Variants in FOXP4 observed in about 807,000 individuals in gnomAD.
The protein encoded by FOXP4 is forkhead box protein P4.
Under a neutral mutation model 82.6 loss-of-function variants are expected in FOXP4, and 25 were observed. The observed-to-expected ratio is 0.30, with a 90% CI of 0.22 to 0.42. The LOEUF is 0.42. FOXP4 is among the 10% of genes least tolerant of loss of function. The pLI, the probability that FOXP4 is intolerant of heterozygous loss-of-function variation, is 1.00. For synonymous variants in FOXP4, 415 were observed against 388.2 expected (o/e 1.07, Z -0.81); for missense variants, 785 against 900.9 (o/e 0.87, Z 1.65).
At chr6:41,561,361 A>G (rs1270733162) in intron 1 of FOXP4, among the ~76,000 whole-genome samples, 1 of 152,140 alleles carries the variant, frequency 6.6e-6, no homozygotes, top group African/African-American at 2.4e-5. Flanking sequence ...AGGCATATGG[A>G]AAGTCTGGGG....
chr6:41,574,542 TCA>T (rs1270631579), intron 2 of FOXP4, among the ~76,000 whole-genome samples: 2 of 152,216 alleles, frequency 1.3e-5, no homozygotes, highest in Non-Finnish European at 2.9e-5. Context: ...TGAGTGGGTA[TCA>T]CATGTCTGCT....
At chr6:41,561,789 G>A (rs1764596103) in intron 1 of FOXP4, among the ~76,000 whole-genome samples, 2 of 152,216 alleles carry the variant, frequency 1.3e-5, no homozygotes, top group African/African-American at 2.4e-5. Flanking sequence ...GACTGAGAGT[G>A]AGAAGAGACC....
In FOXP4 at chr6:41,587,279, C is replaced by T; in HGVS notation, c.659-20C>T. On this transcript the variant is annotated intron_variant, in intron 6 of 16. Coordinates refer to ENST00000307972, the MANE Select transcript of FOXP4 (RefSeq NM_001012426.2). The stretch of plus-strand genomic sequence containing the variant: ...CGAGTGTTCGTGGGGCCCTGCCAGC[C>T]TCCCCTGTCTCTCCCACAGCAGCTG... 6.2e-7 allele frequency: 1 copy of T among 1,611,204 alleles called. No individual in the cohort carries two copies. The highest frequency in any genetic ancestry group is 1.1e-5 in the South Asian group (1 of 91,080).
At position 41,584,755 on chromosome 6, in the gene FOXP4, G is replaced by T; in HGVS notation, c.301-14G>T. 3 of 1,573,246 alleles carry T rather than the reference G, an allele frequency of 1.9e-6. No homozygotes were observed. The highest frequency in any genetic ancestry group is 1.9e-5 in the Admixed American group (1 of 53,578). On this transcript the variant is annotated splice_polypyrimidine_tract_variant and intron_variant, in intron 3 of 16. Coordinates refer to ENST00000307972, the MANE Select transcript of FOXP4 (RefSeq NM_001012426.2). The stretch of plus-strand genomic sequence containing the variant: ...GGGGTCCAGGGGACAGGGCTAACGG[G>T]CCGAATCCTGCAGGTGCCTGTGTCG...
At chr6:41,562,879 TGG>T (rs1195884914) in intron 1 of FOXP4, among the ~76,000 whole-genome samples, 1 of 152,184 alleles carries the variant, frequency 6.6e-6, no homozygotes, top group East Asian at 1.9e-4. Context: ...TGCTGCTGGC[TGG>T]GTGGTTTCAG....
intron 1 of FOXP4, among the ~76,000 whole-genome samples, chr6:41,560,323 T>C (rs912684648): frequency 2.0e-5 from 3 of 152,202 alleles, no homozygotes; most frequent in Non-Finnish European, 4.4e-5. Flanking sequence ...GTGTTAGCGC[T>C]GGGGCTAGAC....
rs896177775 is a variant in FOXP4, at chr6:41,592,242, C to A, written c.1536+920C>A. ...CTAGGTTTCAACAAGTGTTACTGAA[C>A]CCCTCCTCCCCACCAGCGCCCAGGA... On this transcript the variant is annotated intron_variant, in intron 13 of 16. Transcript: ENST00000307972. 2.6e-5 allele frequency among the ~76,000 whole-genome samples: 4 copies of A among 152,198 alleles called. No individual in the cohort carries two copies. The East Asian group carries it at 5.8e-4, about 22-fold the overall frequency.
intron 9 of FOXP4, 26 bp from the exon 10 acceptor site, chr6:41,589,745 A>T (rs1581778375): frequency 6.2e-7 from 1 of 1,606,914 alleles, no homozygotes; most frequent in South Asian, 1.1e-5. Flanking sequence ...CCTCCCGCTC[A>T]CCTCCTGCTT....
At chr6:41,570,545 A>T (rs1765143106) in intron 2 of FOXP4, among the ~76,000 whole-genome samples, 1 of 152,152 alleles carries the variant, frequency 6.6e-6, no homozygotes, top group South Asian at 2.1e-4. Context: ...CTAGGAGGGC[A>T]GAGGGCGGGG....
At chr6:41,586,987 G>A (rs747744448) in intron 5 of FOXP4, 22 bp from the exon 6 acceptor site, 51 of 1,556,504 alleles carry the variant, frequency 3.3e-5, no homozygotes, top group Non-Finnish European at 4.3e-5. Flanking sequence ...CTCTCTGCCC[G>A]CCCCCTCGGG....
intron 2 of FOXP4, among the ~76,000 whole-genome samples, chr6:41,567,939 G>A (rs1562019981): frequency 6.6e-6 from 1 of 152,228 alleles, no homozygotes; most frequent in Non-Finnish European, 1.5e-5. Flanking sequence ...TGGGCAGAGT[G>A]CCCAGGGCCA....
intron 2 of FOXP4, among the ~76,000 whole-genome samples, chr6:41,569,336 G>A (rs1765054402): frequency 6.6e-6 from 1 of 152,188 alleles, no homozygotes; most frequent in Non-Finnish European, 1.5e-5. Context: ...ACACACCCGT[G>A]GCCCATCCGT....
At chr6:41,566,922 T>A (rs562154279) in intron 2 of FOXP4, among the ~76,000 whole-genome samples, 1 of 151,906 alleles carries the variant, frequency 6.6e-6, no homozygotes, top group Non-Finnish European at 1.5e-5. Context: ...AGTACCCTCA[T>A]GTGCTCCTCC....
intron 3 of FOXP4, among the ~76,000 whole-genome samples, chr6:41,580,684 GTTC>G (rs1165211220): frequency 2.6e-5 from 4 of 152,202 alleles, no homozygotes; most frequent in Admixed American, 2.0e-4. Flanking sequence ...GCCTTGAAAT[GTTC>G]TTCTATGAGC....
chr6:41,597,372 G>T, intron 15 of FOXP4, 130 bp downstream of exon 15: 1 of 924,644 alleles, frequency 1.1e-6, no homozygotes, highest in Non-Finnish European at 1.7e-6. Context: ...CAAACTCTCC[G>T]AGACCCCACC....
chr6:41,588,349 C>T (rs1454904203), intron 8 of FOXP4, among the ~76,000 whole-genome samples: 1 of 152,208 alleles, frequency 6.6e-6, no homozygotes, highest in Non-Finnish European at 1.5e-5. Context: ...TCTCCCAGAC[C>T]CTTGCAGCAT....
At chr6:41,569,864 T>TG (rs1182073901) in intron 2 of FOXP4, among the ~76,000 whole-genome samples, 1 of 151,740 alleles carries the variant, frequency 6.6e-6, no homozygotes, top group Non-Finnish European at 1.5e-5. Flanking sequence ...TCAAAAGGGT[T>TG]GGGGGGCTTT....
chr6:41,558,466 A>G lies in FOXP4; in HGVS notation c.-16-7279A>G, dbSNP rs1764401687. Among the ~76,000 whole-genome samples the G allele has an allele frequency of 6.6e-6, 1 of 152,158 alleles. No individual in the cohort carries two copies. Among genetic ancestry groups the G allele is most frequent in the South Asian group, 2.1e-4 (1 of 4,824 alleles). On this transcript the variant is annotated intron_variant, in intron 1 of 16. Transcript: ENST00000307972. This position sits in a 1 kb window ranked among gnomAD's most constrained non-coding sequence, Gnocchi z 4.0. The stretch of plus-strand genomic sequence containing the variant: ...TTATAGTCACTACCCTTCTCTAAAC[A>G]TCTTCCTCATGCAGTGTGTCTTATT...
chr6:41,555,228 G>A (rs12207821), intron 1 of FOXP4, among the ~76,000 whole-genome samples: 13,799 of 152,008 alleles, frequency 0.091, 1,354 homozygotes, highest in African/African-American at 0.23. Flanking sequence ...CAGTCTGAGC[G>A]ACACAGAGTG....
Sources: gnomAD v4.1 joint callset for allele counts (sites outside exome capture counted in the v4.1 genomes callset) on GRCh38, gnomAD v4.1.1 for gene constraint, Gnocchi (gnomAD v3.1) non-coding constraint, MANE v1.5 for transcripts, NCBI Gene and HGNC (gene_info 2026-07-23, HGNC 2026-07-21) for gene names.